Variants in PTPRF observed in about 807,000 individuals in gnomAD.
The protein encoded by PTPRF is receptor-type tyrosine-protein phosphatase F.
PTPRF carries 59 observed loss-of-function variants against 201.8 expected under a neutral mutation model. The observed-to-expected ratio is 0.29, with a 90% CI of 0.24 to 0.36. PTPRF has a LOEUF of 0.36. PTPRF is among the 10% of genes least tolerant of loss of function. PTPRF has a pLI of 1.00. For missense variants in PTPRF, 2,132 were observed against 2,690.5 expected, an observed-to-expected ratio of 0.79 and a Z score of 4.59; for synonymous variants, 1,088 against 1,089.7, an observed-to-expected ratio of 1.00 and a Z score of 0.03.
intron 16 of PTPRF, among the ~76,000 whole-genome samples, chr1:43,604,578 A>T (rs1570567425): frequency 3.3e-5 from 5 of 152,166 alleles, no homozygotes; most frequent in Admixed American, 3.3e-4. Flanking sequence ...CATGCTTCTC[A>T]TGACCGAAAC....
At chr1:43,596,446 G>A (rs1399046200) in intron 11 of PTPRF, among the ~76,000 whole-genome samples, 2 of 152,184 alleles carry the variant, frequency 1.3e-5, no homozygotes, top group Non-Finnish European at 2.9e-5. Context: ...GTGCATTGCA[G>A]CAGAGTCCTC....
chr1:43,541,274 C>T (rs1318877858), intron 2 of PTPRF, among the ~76,000 whole-genome samples: 2 of 152,216 alleles, frequency 1.3e-5, no homozygotes, highest in African/African-American at 4.8e-5. Flanking sequence ...ACAAATCAAT[C>T]TGTGTTTGCG....
intron 29 of PTPRF, 49 bp from the exon 30 acceptor site, chr1:43,620,046 T>A (rs745879829): frequency 4.3e-6 from 7 of 1,611,082 alleles, no homozygotes; most frequent in Non-Finnish European, 5.9e-6. Context: ...AAGGGGAGAC[T>A]CTAGGGGCAG....
At chr1:43,572,513 C>T (rs2153989944) in intron 6 of PTPRF, among the ~76,000 whole-genome samples, 1 of 152,272 alleles carries the variant, frequency 6.6e-6, no homozygotes, top group South Asian at 2.1e-4. Flanking sequence ...GGCTCTCTCC[C>T]CTCCCTGCCT....
chr1:43,534,107 G>A (rs557567520), intron 1 of PTPRF, among the ~76,000 whole-genome samples: 1 of 152,254 alleles, frequency 6.6e-6, no homozygotes, highest in East Asian at 1.9e-4. Flanking sequence ...GGGATGAGTA[G>A]GAGTTTGAAG....
chr1:43,598,162 T>C, intron 12 of PTPRF, 109 bp downstream of exon 12: 2 of 1,202,588 alleles, frequency 1.7e-6, no homozygotes, highest in Non-Finnish European at 2.2e-6. Context: ...AACTCATCTT[T>C]CTGGTTCAGG....
chr1:43,575,693 A>G (rs1388364642), intron 6 of PTPRF, among the ~76,000 whole-genome samples: 1 of 151,558 alleles, frequency 6.6e-6, no homozygotes, highest in Non-Finnish European at 1.5e-5. Flanking sequence ...CCCAGAGCAG[A>G]GCCAGTGACC....
intron 11 of PTPRF, among the ~76,000 whole-genome samples, chr1:43,597,109 TGTGTGAGAGACAC>T (rs1247195366): frequency 2.0e-5 from 3 of 152,014 alleles, no homozygotes; most frequent in Non-Finnish European, 4.4e-5. Flanking sequence ...TGTGAGAGAC[TGTGTGAGAGACAC>T]GTGTGAGACA....
At chr1:43,606,697 C>G (rs1244022841) in intron 20 of PTPRF, 117 bp from the exon 21 acceptor site, 1 of 1,416,472 alleles carries the variant, frequency 7.1e-7, no homozygotes, top group Non-Finnish European at 9.6e-7. Flanking sequence ...CTTGTAGGGT[C>G]TGGGAGACCA....
intron 7 of PTPRF, among the ~76,000 whole-genome samples, chr1:43,580,898 G>C (rs1200567236): frequency 6.6e-6 from 1 of 152,274 alleles, no homozygotes; most frequent in South Asian, 2.1e-4. Flanking sequence ...GTGGCCTATG[G>C]GCACATTTCC....
At chr1:43,609,687 C>T (rs920767898) in intron 22 of PTPRF, among the ~76,000 whole-genome samples, 189 bp downstream of exon 22, 6 of 152,232 alleles carry the variant, frequency 3.9e-5, no homozygotes, top group African/African-American at 1.4e-4. Context: ...GCCCCCATAT[C>T]CTGCAGCTGG....
At position 43,553,649 on chromosome 1, in the gene PTPRF, G is replaced by A. The variant is rs755390801; in HGVS notation, c.237+12G>A. 1.2e-6 allele frequency: 2 copies of A among 1,614,022 alleles called. No individual in the cohort carries two copies. The highest frequency in any genetic ancestry group is 3.3e-5 in the Admixed American group (2 of 60,018). On this transcript the variant is annotated intron_variant, in intron 4 of 33. Coordinates refer to ENST00000359947, the MANE Select transcript of PTPRF (RefSeq NM_002840.5). This position sits in a 1 kb window ranked among gnomAD's most constrained non-coding sequence, Gnocchi z 4.1. ...CCCAGCGCTTCGAGGTGCGTCTGTG[G>A]TGGGAAGGGGTCGGCAGGGCTCAGG... is the stretch of plus-strand genomic sequence containing the variant.
chr1:43,546,696 C>T lies in PTPRF; in HGVS notation c.91+1530C>T, dbSNP rs934442289. 2.0e-5 allele frequency among the ~76,000 whole-genome samples: 3 copies of T among 152,116 alleles called. No homozygotes were observed. The highest frequency in any genetic ancestry group is 7.2e-5 in the African/African-American group (3 of 41,400). Reference sequence around the variant, plus strand: ...AAGAGCTGCCCTCCTCCTCCTGCCTCAGACCCAACGCGCCCCAACCTGTAC... The same window carrying T: ...AAGAGCTGCCCTCCTCCTCCTGCCTTAGACCCAACGCGCCCCAACCTGTAC... On this transcript the variant is annotated intron_variant, in intron 3 of 33. Transcript: ENST00000359947. This position sits in a 1 kb window ranked among gnomAD's most constrained non-coding sequence, Gnocchi z 4.2.
intron 23 of PTPRF, among the ~76,000 whole-genome samples, chr1:43,616,909 C>T (rs1395495463): frequency 6.6e-6 from 1 of 152,096 alleles, no homozygotes; most frequent in Non-Finnish European, 1.5e-5. Context: ...AGGAGCTCTG[C>T]GTCCTGCCCA....
chr1:43,535,126 C>T (rs1160490545), intron 1 of PTPRF, among the ~76,000 whole-genome samples: 1 of 152,028 alleles, frequency 6.6e-6, no homozygotes, highest in Non-Finnish European at 1.5e-5. Flanking sequence ...GGTTAGGGTC[C>T]CTGTCTGCCT....
Position 43,589,006 on chromosome 1 carries a change from T to C in PTPRF, c.949+6T>C, listed in dbSNP as rs747555220. On this transcript the variant is annotated splice_donor_region_variant and intron_variant, in intron 8 of 33. Transcript: ENST00000359947. ...AGCCCAGGTCACAGTGAAAGGTGAG[T>C]GTGGCAGGTGCTGTAACCAGTGCCC... The C allele has an allele frequency of 6.5e-7, 1 of 1,541,788 alleles. No homozygotes were observed. Among genetic ancestry groups the C allele is most frequent in the Non-Finnish European group, 8.8e-7 (1 of 1,138,520 alleles).
At chr1:43,565,525 C>G (rs1023222623) in intron 5 of PTPRF, among the ~76,000 whole-genome samples, 7 of 152,080 alleles carry the variant, frequency 4.6e-5, no homozygotes, top group Admixed American at 2.0e-4. Context: ...TGTGGAGACT[C>G]GGGCTCTTGG....
intron 11 of PTPRF, among the ~76,000 whole-genome samples, chr1:43,595,926 ACAGG>A (rs1253518301): frequency 6.6e-6 from 1 of 152,070 alleles, no homozygotes; most frequent in Non-Finnish European, 1.5e-5. Flanking sequence ...GGGGGCAGAA[ACAGG>A]CAGCATGGAG....
Position 43,598,039 on chromosome 1 carries a change from G to A in PTPRF, c.2105G>A (p.Arg702His), listed in dbSNP as rs1486879479. The A allele has an allele frequency of 4.0e-6, 6 of 1,495,736 alleles. No individual in the cohort carries two copies. Among genetic ancestry groups the A allele is most frequent in the South Asian group, 1.3e-5 (1 of 75,326 alleles). The allele number at this position is 1,495,736 out of a possible 1,614,324, so 92.7% of individuals were successfully genotyped here. A position where few individuals can be genotyped will look rare whatever the true frequency, so the allele number is the denominator to read the frequency against. ...CCCGAGAGCAGCCCGGTGCTGGTGC[G>A]CACCGATGAGGACGGTAGGCAGTGC... is the stretch of plus-strand genomic sequence containing the variant. ...PGPESSPVLV[R>H]TDEDVPSGPP... is the part of the protein sequence containing the mutation. The change falls in exon 12 of 34, where the codon CGC becomes CAC. Residue 702 changes from arginine (R) to histidine (H), a missense_variant. Arg to His is a conservative substitution (Grantham distance 29, BLOSUM62 0). Around this residue, in one of 6 missense-constraint regions of PTPRF, gnomAD observed 125 missense variants for 211.9 expected, o/e 0.59. Transcript: ENST00000359947.
Sources: gnomAD v4.1 joint callset for allele counts (sites outside exome capture counted in the v4.1 genomes callset) on GRCh38, gnomAD v4.1.1 for gene constraint, gnomAD v4.1.1 regional missense constraint, Gnocchi (gnomAD v3.1) non-coding constraint, MANE v1.5 for transcripts, NCBI Gene and HGNC (gene_info 2026-07-23, HGNC 2026-07-21) for gene names.